The following MAGI2 variants were observed in gnomAD, a reference collection of about 807,000 sequenced individuals.
The protein encoded by MAGI2 is membrane associated guanylate kinase, WW and PDZ domain containing 2.
Under a neutral mutation model 133.3 loss-of-function variants are expected in MAGI2, and 35 were observed. That is an observed-to-expected ratio of 0.26 (90% CI 0.20 to 0.35). The LOEUF is 0.35. Among genes scored for constraint, MAGI2 ranks in the 10% least tolerant of loss-of-function variants. The pLI, the probability that MAGI2 is intolerant of heterozygous loss-of-function variation, is 1.00. For missense variants in MAGI2, 1,636 were observed against 1,863.4 expected, an observed-to-expected ratio of 0.88 and a Z score of 2.25; for synonymous variants, 729 against 710.6, an observed-to-expected ratio of 1.03 and a Z score of -0.41.
chr7:79,007,008 T>G, intron 2 of MAGI2, 82 bp downstream of exon 2: 1 of 1,056,392 alleles, frequency 9.5e-7, no homozygotes, highest in Middle Eastern at 2.2e-4. Context: ...TAAGTGCAAT[T>G]TCACTTTCTT....
intron 1 of MAGI2, among the ~76,000 whole-genome samples, chr7:79,196,764 CTTGT>C (rs1321762676): frequency 1.3e-5 from 2 of 151,388 alleles, no homozygotes; most frequent in Non-Finnish European, 2.9e-5. Flanking sequence ...AATTTGTTTG[CTTGT>C]TTGTTTGTTT....
chr7:78,080,167 C>G (rs912272110), intron 20 of MAGI2, among the ~76,000 whole-genome samples: 1 of 152,156 alleles, frequency 6.6e-6, no homozygotes, highest in Admixed American at 6.5e-5. Flanking sequence ...AAAACAAGAC[C>G]CCCAAAGTCG....
intron 2 of MAGI2, among the ~76,000 whole-genome samples, chr7:78,931,603 T>G (rs1212952987): frequency 6.6e-6 from 1 of 152,032 alleles, no homozygotes; most frequent in Non-Finnish European, 1.5e-5. Flanking sequence ...GCCACTGAAA[T>G]TTTAGAGTTG....
chr7:79,098,764 C>T (rs1044464580), intron 1 of MAGI2, among the ~76,000 whole-genome samples: 2 of 152,158 alleles, frequency 1.3e-5, no homozygotes, highest in Non-Finnish European at 2.9e-5. Flanking sequence ...ATCTGTCTGG[C>T]AGCCAGAGCC....
Position 78,896,289 on chromosome 7 carries a change from G to A in MAGI2, c.418+110801C>T, listed in dbSNP as rs1255357349. 2.6e-5 allele frequency among the ~76,000 whole-genome samples: 4 copies of A among 151,810 alleles called. No individual in the cohort carries two copies. The East Asian group carries it at 7.7e-4, about 29-fold the overall frequency. The stretch of plus-strand genomic sequence containing the variant: ...TACTTGAAACTATCTTTAGGCTCAT[G>A]TTTAGTTGTTCTACCTAGAGTTTTT... On this transcript the variant is annotated intron_variant, in intron 2 of 21. Coordinates refer to ENST00000354212, the MANE Select transcript of MAGI2 (RefSeq NM_012301.4).
intron 10 of MAGI2, among the ~76,000 whole-genome samples, chr7:78,218,975 G>A (rs370311705): frequency 3.3e-5 from 5 of 152,244 alleles, no homozygotes; most frequent in East Asian, 3.9e-4. Flanking sequence ...TACCTCCCAC[G>A]TGAAGGGGAA....
intron 10 of MAGI2, chr7:78,251,759 T>A (rs1284431124): frequency 6.6e-6 from 1 of 152,028 alleles, no homozygotes; most frequent in Non-Finnish European, 1.5e-5. Context: ...AATTAAAAGG[T>A]TCAATGTTGG....
chr7:78,955,770 TTTC>T (rs1214320482), intron 2 of MAGI2, among the ~76,000 whole-genome samples: 10 of 27,500 alleles, frequency 3.6e-4, no homozygotes, highest in Non-Finnish European at 6.6e-4. Context: ...TCTTTCTTTC[TTTC>T]TTTCTTTCTT....
chr7:79,158,967 C>G lies in MAGI2; in HGVS notation c.302-151761G>C, dbSNP rs181102101. 1.9e-3 allele frequency among the ~76,000 whole-genome samples: 294 copies of G among 151,582 alleles called. 4 individuals carry two copies. The highest frequency in any genetic ancestry group is 6.9e-3 in the African/African-American group (285 of 41,372). On this transcript the variant is annotated intron_variant, in intron 1 of 21. Coordinates refer to ENST00000354212, the MANE Select transcript of MAGI2 (RefSeq NM_012301.4). ...TCAAAGTTTATTTAAGGTTTTATAC[C>G]TTTTACCTTGTTTATACATGTTATA... is the stretch of plus-strand genomic sequence containing the variant.
intron 2 of MAGI2, among the ~76,000 whole-genome samples, chr7:78,955,519 C>G (rs1224388518): frequency 1.3e-5 from 2 of 152,044 alleles, no homozygotes; most frequent in African/African-American, 2.4e-5. Flanking sequence ...ATAAGACTCC[C>G]TTCTTTGGTG....
rs112112840 is a variant in MAGI2, at chr7:78,546,995, C to A, written c.539-25350G>T. Among the ~76,000 whole-genome samples the A allele has an allele frequency of 7.8e-3, 1,194 of 152,274 alleles. 15 individuals are homozygous for A. The highest frequency in any genetic ancestry group is 0.026 in the African/African-American group (1,081 of 41,558). Reference sequence around the variant, plus strand: ...AAAGGGCATAGTCTCTGCCCAGGGACCATGCTCACTTAATTGTACAGTAAG... The same window carrying A: ...AAAGGGCATAGTCTCTGCCCAGGGAACATGCTCACTTAATTGTACAGTAAG... On this transcript the variant is annotated intron_variant, in intron 3 of 21. Transcript: ENST00000354212.
At chr7:79,018,569 G>T (rs1280888971) in intron 1 of MAGI2, among the ~76,000 whole-genome samples, 3 of 152,132 alleles carry the variant, frequency 2.0e-5, no homozygotes, top group African/African-American at 4.8e-5. Context: ...AATGTGAATA[G>T]AGTAAATGCC....
At chr7:79,404,363 T>G (rs1845666915) in intron 1 of MAGI2, among the ~76,000 whole-genome samples, 1 of 152,178 alleles carries the variant, frequency 6.6e-6, no homozygotes, top group Admixed American at 6.5e-5. Flanking sequence ...AGAGACAAGA[T>G]CTCACTCTGT....
At chr7:78,828,169 G>A (rs1790831557) in intron 2 of MAGI2, among the ~76,000 whole-genome samples, 1 of 151,892 alleles carries the variant, frequency 6.6e-6, no homozygotes, top group Non-Finnish European at 1.5e-5. Context: ...ACAGGCATAA[G>A]CCATCGTGCC....
chr7:79,364,290 T>G (rs927882279), intron 1 of MAGI2, among the ~76,000 whole-genome samples: 3 of 152,014 alleles, frequency 2.0e-5, no homozygotes, highest in Admixed American at 2.0e-4. Context: ...ATATGAAGAC[T>G]ATGGTTAATA....
chr7:78,667,634 T>C (rs1303085674), intron 2 of MAGI2, among the ~76,000 whole-genome samples: 4 of 145,346 alleles, frequency 2.8e-5, no homozygotes, highest in Non-Finnish European at 6.0e-5. Flanking sequence ...AGTGAGAACA[T>C]GCAGTGTTTG....
At chr7:78,557,907 T>C (rs1799991374) in intron 3 of MAGI2, among the ~76,000 whole-genome samples, 1 of 152,200 alleles carries the variant, frequency 6.6e-6, no homozygotes, top group Non-Finnish European at 1.5e-5. Flanking sequence ...ATGTCATCTC[T>C]ATAAAGTCAT....
chr7:78,395,842 G>T (rs895989408), intron 6 of MAGI2, among the ~76,000 whole-genome samples: 5 of 152,176 alleles, frequency 3.3e-5, no homozygotes, highest in African/African-American at 1.2e-4. Context: ...TTTGGGTAAA[G>T]TGGATAAAGG....
intron 21 of MAGI2, among the ~76,000 whole-genome samples, chr7:78,047,045 T>TACATA (rs1554420618): frequency 6.6e-6 from 1 of 152,172 alleles, no homozygotes; most frequent in Non-Finnish European, 1.5e-5. Context: ...TATTGATCTC[T>TACATA]ATAGAGTCCA....
Sources: allele counts gnomAD v4.1 joint callset (sites outside exome capture counted in the v4.1 genomes callset), GRCh38; gene constraint gnomAD v4.1.1; transcripts MANE v1.5; gene names NCBI Gene and HGNC (gene_info 2026-07-23, HGNC 2026-07-21).